The following CATSPERD variants were observed in gnomAD, a reference collection of about 807,000 sequenced individuals.
The protein encoded by CATSPERD is cation channel sperm-associated auxiliary subunit delta.
A neutral mutation model predicts 98.1 loss-of-function variants in CATSPERD; 86 were observed. The ratio of observed to expected loss-of-function variants is 0.88; its 90% confidence interval spans 0.74 to 1.05. The LOEUF (loss-of-function observed/expected upper bound fraction) is 1.05. CATSPERD is among the 50% of genes least tolerant of loss of function. CATSPERD has a pLI of 0.00. For synonymous variants in CATSPERD, 394 were observed against 390.2 expected (o/e 1.01, Z -0.12); for missense variants, 995 against 1,005.7 (o/e 0.99, Z 0.14).
chr19:5,766,249 A>C, intron 17 of CATSPERD, 94 bp downstream of exon 17: 1 of 910,704 alleles, frequency 1.1e-6, no homozygotes, highest in South Asian at 2.1e-5. Context: ...TCAGGAGTTC[A>C]AGACCAGCCT....
intron 15 of CATSPERD, among the ~76,000 whole-genome samples, chr19:5,762,041 C>CATATAGATATATATATATAT (rs2056445130): frequency 4.3e-5 from 1 of 23,254 alleles, no homozygotes; most frequent in Non-Finnish European, 9.6e-5. Flanking sequence ...CCTGGCCTGC[C>CATATAGATATATATATATAT]ATATATATAT....
intron 7 of CATSPERD, among the ~76,000 whole-genome samples, chr19:5,744,098 G>A (rs1007659266): frequency 6.6e-6 from 1 of 152,060 alleles, no homozygotes; most frequent in Non-Finnish European, 1.5e-5. Context: ...TCCTGCCTCA[G>A]CCTCCTGAGT....
At chr19:5,729,729 C>T in intron 3 of CATSPERD, 143 bp from the exon 4 acceptor site, 3 of 561,216 alleles carry the variant, frequency 5.3e-6, no homozygotes, top group Non-Finnish European at 9.5e-6. Flanking sequence ...TTTATTTATG[C>T]AAAATAAGTA....
At chr19:5,746,740 T>C (rs2056102339) in intron 9 of CATSPERD, among the ~76,000 whole-genome samples, 1 of 152,068 alleles carries the variant, frequency 6.6e-6, no homozygotes, top group Non-Finnish European at 1.5e-5. Flanking sequence ...GCCATTTCTT[T>C]AACATGTGGG....
chr19:5,770,189 A>T (rs2056619527), intron 18 of CATSPERD, among the ~76,000 whole-genome samples: 1 of 151,498 alleles, frequency 6.6e-6, no homozygotes, highest in South Asian at 2.1e-4. Flanking sequence ...GCACTTTGGG[A>T]GGCTGAAGTG....
intron 3 of CATSPERD, among the ~76,000 whole-genome samples, chr19:5,728,920 G>A (rs762040158): frequency 2.0e-5 from 3 of 150,966 alleles, no homozygotes; most frequent in South Asian, 2.1e-4. Flanking sequence ...GGCTGGTCTC[G>A]AACTCCTGAC....
At chr19:5,721,015 T>C (rs1272123206) in intron 1 of CATSPERD, among the ~76,000 whole-genome samples, 12 of 151,222 alleles carry the variant, frequency 7.9e-5, no homozygotes. Context: ...TTTTTTTTTT[T>C]TGAGACGGAG....
intron 15 of CATSPERD, 88 bp downstream of exon 15, chr19:5,759,232 C>A (rs1250650644): frequency 2.5e-6 from 3 of 1,185,056 alleles, no homozygotes; most frequent in African/African-American, 3.0e-5. Context: ...TGAGATCAGA[C>A]CCCCAGCTCC....
rs763232327 is a variant in CATSPERD at position 5,772,949 on chromosome 19, T to C, written c.1925T>C (p.Phe642Ser). Residue 642 changes from phenylalanine to serine, a missense_variant, in exon 20 of 22, where the codon TTC becomes TCC. Coordinates refer to ENST00000381624, the MANE Select transcript of CATSPERD (RefSeq NM_152784.4). ...TTMIKEFGGP[F>S]FWNRENYVSC... ...ATGATAAAGGAATTCGGGGGGCCCT[T>C]CTTCTGGAACAGAGAGGTAACAGGA... The C allele has an allele frequency of 1.9e-5, 30 of 1,613,732 alleles. No homozygotes were observed. Among genetic ancestry groups the C allele is most frequent in the Admixed American group, 5.0e-5 (3 of 59,908 alleles).
At chr19:5,725,726 C>A (rs1053101529) in intron 2 of CATSPERD, among the ~76,000 whole-genome samples, 1 of 151,834 alleles carries the variant, frequency 6.6e-6, no homozygotes, top group Non-Finnish European at 1.5e-5. Flanking sequence ...TATGGTGAAA[C>A]CCCGTCTCTA....
chr19:5,766,814 T>C (rs1018258911), intron 17 of CATSPERD, among the ~76,000 whole-genome samples: 1 of 151,202 alleles, frequency 6.6e-6, no homozygotes, highest in South Asian at 2.1e-4. Flanking sequence ...TGCCTCAGCC[T>C]CCCAAGTAGC....
At chr19:5,755,003 C>G (rs1360070479) in intron 13 of CATSPERD, among the ~76,000 whole-genome samples, 1 of 152,004 alleles carries the variant, frequency 6.6e-6, no homozygotes, top group African/African-American at 2.4e-5. Flanking sequence ...TGCCATCATG[C>G]CTGGCTAAGT....
intron 14 of CATSPERD, among the ~76,000 whole-genome samples, 179 bp from the exon 15 acceptor site, chr19:5,758,907 G>A (rs1332235177): frequency 7.6e-6 from 1 of 131,560 alleles, no homozygotes; most frequent in African/African-American, 2.9e-5. Context: ...CTGGGCAACA[G>A]AGAGAGACTC....
intron 18 of CATSPERD, 54 bp from the exon 19 acceptor site, chr19:5,770,890 C>A: frequency 6.5e-7 from 1 of 1,545,544 alleles, no homozygotes. Flanking sequence ...GAAGGGTTGG[C>A]AGACTGGGCA....
At chr19:5,756,515 C>A (rs575258740) in intron 13 of CATSPERD, among the ~76,000 whole-genome samples, 1 of 152,208 alleles carries the variant, frequency 6.6e-6, no homozygotes, top group Middle Eastern at 3.4e-3. Context: ...GAAAGCTGGA[C>A]CCCTGAAATG....
rs765383646 is a variant in CATSPERD at position 5,778,567 on chromosome 19, G to A, written c.2288G>A (p.Cys763Tyr). 5.6e-6 allele frequency: 9 copies of A among 1,613,780 alleles called. No individual in the cohort carries two copies. The South Asian group carries it at 8.8e-5, about 16-fold the overall frequency. The change falls in exon 22 of 22, where the codon TGT (cysteine) becomes TAT (tyrosine). Residue 763 changes from cysteine (C) to tyrosine (Y), a missense_variant. Cys to Tyr is a radical substitution (Grantham distance 194). Around this residue, in one of 3 missense-constraint regions of CATSPERD, gnomAD observed 762 missense variants for 773.7 expected, o/e 0.98. Transcript: ENST00000381624. ...ATCAAGAAGTGTGCGACACAGCTGT[G>A]TAGGAGATGCAAGACGGTCTGCCAG... Reference protein sequence around the residue: ...RRIKKCATQLCRRCKTVCQFR... With the variant: ...RRIKKCATQLYRRCKTVCQFR...
chr19:5,741,234 C>G (rs1402485175), intron 7 of CATSPERD, among the ~76,000 whole-genome samples: 3 of 152,096 alleles, frequency 2.0e-5, no homozygotes, highest in Non-Finnish European at 4.4e-5. Flanking sequence ...CGGGTTGAAC[C>G]AATGTCCCCC....
At position 5,759,415 on chromosome 19, in the gene CATSPERD, A is replaced by G. The variant is rs377362005; in HGVS notation, c.1427+271A>G. On this transcript the variant is annotated intron_variant, in intron 15 of 21. Transcript: ENST00000381624. ...CGTCTCTACTAAAAAATAAAAAAAA[A>G]TTAGCTAGGCGTAGTGGCAGGCACC... 7.2e-5 allele frequency among the ~76,000 whole-genome samples: 11 copies of G among 151,862 alleles called. 1 individual carries two copies. The highest frequency in any genetic ancestry group is 2.7e-4 in the African/African-American group (11 of 41,424).
chr19:5,772,692 C>T, intron 19 of CATSPERD, 96 bp from the exon 20 acceptor site: 1 of 1,293,524 alleles, frequency 7.7e-7, no homozygotes. Flanking sequence ...CCTCCCACCC[C>T]CCAAGCGGTT....
Sources: gnomAD v4.1 joint callset for allele counts (sites outside exome capture counted in the v4.1 genomes callset) on GRCh38, gnomAD v4.1.1 for gene constraint, gnomAD v4.1.1 regional missense constraint, MANE v1.5 for transcripts, NCBI Gene and HGNC (gene_info 2026-07-23, HGNC 2026-07-21) for gene names.